The following SDK1 variants were observed in gnomAD, a reference collection of about 807,000 sequenced individuals.
SDK1 encodes sidekick cell adhesion molecule 1.
In SDK1, 157 loss-of-function variants were observed where a neutral mutation model predicts 245.5. That is an observed-to-expected ratio of 0.64 (90% CI 0.56 to 0.73). The LOEUF (loss-of-function observed/expected upper bound fraction) is 0.73, where lower values mean the gene tolerates loss of function less well. Among genes scored for constraint, SDK1 ranks in the 30% least tolerant of loss-of-function variants. The pLI, the probability that SDK1 is intolerant of heterozygous loss-of-function variation, is 0.00. For missense variants in SDK1, 3,583 were observed against 3,002.3 expected (o/e 1.19, Z -4.52); for synonymous variants, 1,647 against 1,278.5 (o/e 1.29, Z -6.15).
At chr7:3,391,966 A>AATATATATATATATATATATATATATAT (rs55768106) in intron 1 of SDK1, among the ~76,000 whole-genome samples, 65 of 143,998 alleles carry the variant, frequency 4.5e-4, no homozygotes, top group African/African-American at 1.3e-3. Context: ...TATATCATGT[A>AATATATATATATATATATATATATATAT]ATATATATAT....
chr7:3,394,019 A>T lies in SDK1; in HGVS notation c.298+92135A>T, dbSNP rs533313653. ...TCCAGATATTCAAAAGGAGTTGGGTAAGCCATATCTGCATTAGGGGGCACC... is the reference window on the plus strand; with the variant it reads ...TCCAGATATTCAAAAGGAGTTGGGTTAGCCATATCTGCATTAGGGGGCACC... On this transcript the variant is annotated intron_variant, in intron 1 of 44. Transcript: ENST00000404826. Among the ~76,000 whole-genome samples, 90 of 152,278 alleles carry T rather than the reference A, an allele frequency of 5.9e-4. 2 individuals carry two copies. The South Asian group carries it at 0.018, about 31-fold the overall frequency.
At chr7:3,399,505 G>T (rs998817275) in intron 1 of SDK1, among the ~76,000 whole-genome samples, 1 of 152,058 alleles carries the variant, frequency 6.6e-6, no homozygotes, top group African/African-American at 2.4e-5. Context: ...TCATATTTTG[G>T]TTAAACACTA....
At chr7:4,172,951 C>T (rs986882562) in intron 32 of SDK1, among the ~76,000 whole-genome samples, 1 of 152,184 alleles carries the variant, frequency 6.6e-6, no homozygotes, top group African/African-American at 2.4e-5. Context: ...GTGCAAAGAC[C>T]CTGTTTCCAA....
intron 5 of SDK1, among the ~76,000 whole-genome samples, chr7:3,948,106 A>G (rs1177444471): frequency 6.6e-6 from 1 of 152,218 alleles, no homozygotes; most frequent in East Asian, 1.9e-4. Flanking sequence ...AGGTCACGTA[A>G]TATTCTACTG....
chr7:3,623,721 T>G (rs1313577383), intron 2 of SDK1, among the ~76,000 whole-genome samples: 1 of 152,204 alleles, frequency 6.6e-6, no homozygotes, highest in Non-Finnish European at 1.5e-5. Context: ...TGAAAAAATC[T>G]TTTCTAATTA....
chr7:3,475,670 C>T (rs1781329286), intron 1 of SDK1, among the ~76,000 whole-genome samples: 1 of 152,082 alleles, frequency 6.6e-6, no homozygotes, highest in African/African-American at 2.4e-5. Flanking sequence ...GATGAAAGTC[C>T]AGGGGAGAAT....
intron 1 of SDK1, among the ~76,000 whole-genome samples, chr7:3,590,300 C>CTTT (rs200303832): frequency 0.023 from 2,164 of 95,854 alleles, 29 homozygotes; most frequent in African/African-American, 0.035. Context: ...TTTCCTGTTC[C>CTTT]TTTTTTTTTT....
chr7:3,551,753 G>A (rs976434299), intron 1 of SDK1, among the ~76,000 whole-genome samples: 25 of 151,984 alleles, frequency 1.6e-4, no homozygotes, highest in African/African-American at 4.6e-4. Flanking sequence ...ACGGCTCACC[G>A]CAGCCTGAGA....
intron 1 of SDK1, among the ~76,000 whole-genome samples, chr7:3,513,907 AT>A (rs1782655359): frequency 6.6e-6 from 1 of 152,144 alleles, no homozygotes. Flanking sequence ...TCTTGCATTA[AT>A]TTGCCTAGGA....
intron 1 of SDK1, among the ~76,000 whole-genome samples, chr7:3,459,795 G>GCCCCTA (rs1780779734): frequency 6.6e-6 from 1 of 152,128 alleles, no homozygotes; most frequent in South Asian, 2.1e-4. Context: ...CCTGGGGTAG[G>GCCCCTA]GGCCTTCCCT....
intron 1 of SDK1, among the ~76,000 whole-genome samples, chr7:3,573,482 C>G (rs1190618724): frequency 2.0e-5 from 3 of 152,200 alleles, no homozygotes; most frequent in East Asian, 1.9e-4. Context: ...GCCCCCATCA[C>G]AGGCTGAGGA....
intron 1 of SDK1, among the ~76,000 whole-genome samples, chr7:3,491,996 A>G (rs1781876937): frequency 6.6e-6 from 1 of 152,202 alleles, no homozygotes; most frequent in Admixed American, 6.5e-5. Context: ...TATGGAACAC[A>G]TTACGTTTTC....
At chr7:3,747,698 GGT>G (rs148784234) in intron 4 of SDK1, among the ~76,000 whole-genome samples, 28,691 of 148,482 alleles carry the variant, frequency 0.19, 5,092 homozygotes, top group African/African-American at 0.49. Flanking sequence ...CTTAGCCTGG[GGT>G]GTGTGTGTGT....
intron 25 of SDK1, among the ~76,000 whole-genome samples, chr7:4,126,515 A>C (rs1784398691): frequency 6.6e-6 from 1 of 152,118 alleles, no homozygotes; most frequent in African/African-American, 2.4e-5. Context: ...GAGGTCAGGC[A>C]TTCGAGACCA....
chr7:4,133,960 G>T (rs1488658436), intron 28 of SDK1, among the ~76,000 whole-genome samples: 1 of 152,158 alleles, frequency 6.6e-6, no homozygotes, highest in East Asian at 1.9e-4. Flanking sequence ...TTTGAAGAAA[G>T]AGTTTCACAT....
intron 1 of SDK1, among the ~76,000 whole-genome samples, chr7:3,307,241 T>TA (rs1779438803): frequency 6.6e-6 from 1 of 152,114 alleles, no homozygotes; most frequent in African/African-American, 2.4e-5. Flanking sequence ...CCTCTTTTTT[T>TA]TAAAAAAAGG....
chr7:4,044,690 C>T (rs924649630), intron 17 of SDK1, among the ~76,000 whole-genome samples: 2 of 152,102 alleles, frequency 1.3e-5, no homozygotes, highest in African/African-American at 4.8e-5. Context: ...AGCGATCCTC[C>T]CACCCCAGAC....
intron 1 of SDK1, among the ~76,000 whole-genome samples, chr7:3,568,521 T>C (rs1483109370): frequency 6.6e-6 from 1 of 152,216 alleles, no homozygotes; most frequent in Non-Finnish European, 1.5e-5. Flanking sequence ...TTTTGTCAAA[T>C]TGAATTCCCT....
chr7:3,999,617 C>T (rs1055629251), intron 14 of SDK1, among the ~76,000 whole-genome samples: 2 of 152,052 alleles, frequency 1.3e-5, no homozygotes, highest in African/African-American at 4.8e-5. Context: ...TGCAGGGCAG[C>T]AAAATGGGAG....
Sources: allele counts gnomAD v4.1 joint callset (sites outside exome capture counted in the v4.1 genomes callset), GRCh38; gene constraint gnomAD v4.1.1; transcripts MANE v1.5; gene names NCBI Gene and HGNC (gene_info 2026-07-23, HGNC 2026-07-21).